LRFN5: variants seen among roughly 807,000 people sequenced by gnomAD.
LRFN5 encodes leucine rich repeat and fibronectin type III domain containing 5.
LRFN5 carries 24 observed loss-of-function variants against 45.6 expected under a neutral mutation model. The ratio of observed to expected loss-of-function variants is 0.53; its 90% CI spans 0.38 to 0.74. The LOEUF is 0.74. LRFN5 is among the 30% of genes least tolerant of loss of function. The pLI is 0.00. For synonymous variants in LRFN5, 340 were observed against 313.8 expected (o/e 1.08, Z -0.88); for missense variants, 776 against 861.5 (o/e 0.90, Z 1.24).
chr14:41,782,056 G>C (rs1296083232), intron 2 of LRFN5, among the ~76,000 whole-genome samples: 1 of 151,814 alleles, frequency 6.6e-6, no homozygotes, highest in African/African-American at 2.4e-5. Context: ...CTGTAGTTTA[G>C]TGTTTGTCTT....
chr14:41,650,774 G>A (rs545259409), intron 1 of LRFN5, among the ~76,000 whole-genome samples: 46 of 152,120 alleles, frequency 3.0e-4, no homozygotes, highest in African/African-American at 1.1e-3. Context: ...AGAATGTGGT[G>A]TAGCCATCAA....
intron 1 of LRFN5, among the ~76,000 whole-genome samples, chr14:41,741,754 A>G (rs1884703155): frequency 6.6e-6 from 1 of 151,608 alleles, no homozygotes; most frequent in Non-Finnish European, 1.5e-5. Flanking sequence ...CATAGTGGAG[A>G]GATAGCCCAC....
intron 1 of LRFN5, among the ~76,000 whole-genome samples, chr14:41,678,291 G>A (rs139093712): frequency 3.0e-4 from 45 of 151,348 alleles, no homozygotes; most frequent in African/African-American, 8.3e-4. Flanking sequence ...TATATATTCC[G>A]TATATGTATA....
chr14:41,734,029 C>CTTTTTTT (rs58623215), intron 1 of LRFN5, among the ~76,000 whole-genome samples: 4 of 123,884 alleles, frequency 3.2e-5, no homozygotes, highest in East Asian at 2.3e-4. Context: ...CTTTTCTTTT[C>CTTTTTTT]TTTTTTTTTT....
At position 41,675,611 on chromosome 14, in the gene LRFN5, AGGGAGAGGGGAGAG is replaced by A. The variant is rs367900494; in HGVS notation, c.-197+67065_-197+67078del. Among the ~76,000 whole-genome samples, 13 of 151,800 alleles carry A rather than the reference AGGGAGAGGGGAGAG, an allele frequency of 8.6e-5. No individual in the cohort carries two copies. In the South Asian group the frequency reaches 1.0e-3, roughly 12 times the overall value. On this transcript the variant is annotated intron_variant, in intron 1 of 5. Transcript: ENST00000298119. Reference sequence around the variant, plus strand: ...GACCGTGGAAAGAGGGGACAGGGAGAGGGAGAGGGGAGAGGGGAGAGGGGAGAGGCGATTTTGTT... The same window carrying A: ...GACCGTGGAAAGAGGGGACAGGGAGAGGGAGAGGGGAGAGGCGATTTTGTT...
intron 2 of LRFN5, among the ~76,000 whole-genome samples, chr14:41,768,754 A>G (rs1254062089): frequency 6.6e-6 from 1 of 152,142 alleles, no homozygotes; most frequent in Non-Finnish European, 1.5e-5. Flanking sequence ...CTTTTTCTAG[A>G]TAAAAGCATT....
intron 2 of LRFN5, among the ~76,000 whole-genome samples, chr14:41,817,646 C>T (rs537311019): frequency 5.3e-5 from 8 of 152,158 alleles, no homozygotes; most frequent in Non-Finnish European, 7.4e-5. Flanking sequence ...TGAGAGAAGA[C>T]CTTATTAGAA....
intron 1 of LRFN5, among the ~76,000 whole-genome samples, chr14:41,757,470 C>G (rs979565908): frequency 6.6e-6 from 1 of 152,208 alleles, no homozygotes; most frequent in East Asian, 1.9e-4. Flanking sequence ...GCGCCCCTCC[C>G]CCAGCCTCGC....
At chr14:41,664,263 A>G (rs888702355) in intron 1 of LRFN5, among the ~76,000 whole-genome samples, 4 of 152,078 alleles carry the variant, frequency 2.6e-5, no homozygotes, top group East Asian at 1.9e-4. Flanking sequence ...TAATAAAATC[A>G]TATTTAAAAC....
At chr14:41,666,095 T>C (rs1880885362) in intron 1 of LRFN5, among the ~76,000 whole-genome samples, 1 of 152,032 alleles carries the variant, frequency 6.6e-6, no homozygotes, top group Admixed American at 6.6e-5. Flanking sequence ...TTCATTTTAC[T>C]AACATTAAAA....
At chr14:41,837,318 G>A (rs1315116995) in intron 2 of LRFN5, among the ~76,000 whole-genome samples, 1 of 149,630 alleles carries the variant, frequency 6.7e-6, no homozygotes, top group South Asian at 2.2e-4. Context: ...ATCGGCATTT[G>A]TTTTCCCTGC....
intron 1 of LRFN5, among the ~76,000 whole-genome samples, chr14:41,753,616 T>G (rs924871567): frequency 6.6e-6 from 1 of 152,236 alleles, no homozygotes; most frequent in African/African-American, 2.4e-5. Flanking sequence ...ACATTGATTT[T>G]GTATCCTGAG....
intron 1 of LRFN5, among the ~76,000 whole-genome samples, chr14:41,622,460 A>G (rs1175864497): frequency 6.6e-6 from 1 of 152,208 alleles, no homozygotes; most frequent in East Asian, 1.9e-4. Flanking sequence ...AGAGTAAAGG[A>G]CCATATACAT....
In LRFN5 at chr14:41,737,471, T is replaced by A. The variant is rs943989579; in HGVS notation, c.-196-29383T>A. On this transcript the variant is annotated intron_variant, in intron 1 of 5. Transcript: ENST00000298119. ...CAAGGATGCCGTCTCTCTCCACTCC[T>A]ATTCAACATAGTATTGGAAGTTCGG... Among the ~76,000 whole-genome samples the A allele has an allele frequency of 2.6e-5, 4 of 152,134 alleles. No homozygotes were observed. In the East Asian group the frequency reaches 7.7e-4, roughly 29 times the overall value.
intron 1 of LRFN5, among the ~76,000 whole-genome samples, chr14:41,683,724 G>C (rs535965831): frequency 8.6e-5 from 13 of 151,982 alleles, no homozygotes; most frequent in African/African-American, 3.1e-4. Context: ...AAAATACTTA[G>C]GAGTAAACTT....
intron 1 of LRFN5, among the ~76,000 whole-genome samples, chr14:41,623,352 C>A (rs745422976): frequency 1.3e-5 from 2 of 152,008 alleles, no homozygotes; most frequent in Non-Finnish European, 2.9e-5. Context: ...GTAAGTTTCC[C>A]GAGGCTTCCC....
In LRFN5 at chr14:41,844,163, T is replaced by C. The variant is rs572902385; in HGVS notation, c.-20-42443T>C. 7.7e-4 allele frequency among the ~76,000 whole-genome samples: 117 copies of C among 152,252 alleles called. 3 individuals carry two copies. The highest frequency in any genetic ancestry group is 3.5e-3 in the South Asian group (17 of 4,824). ...TTTAAAAATGTAAAATTCGGCCGGGTGCAGTGGCTCACGCCTGTAATCCTA... is the reference window on the plus strand; with the variant it reads ...TTTAAAAATGTAAAATTCGGCCGGGCGCAGTGGCTCACGCCTGTAATCCTA... On this transcript the variant is annotated intron_variant, in intron 2 of 5. Transcript: ENST00000298119.
intron 2 of LRFN5, among the ~76,000 whole-genome samples, chr14:41,880,183 T>C (rs1008866051): frequency 6.6e-6 from 1 of 152,044 alleles, no homozygotes; most frequent in South Asian, 2.1e-4. Flanking sequence ...CGCCTTGGCC[T>C]CCCAAAGTGC....
intron 1 of LRFN5, among the ~76,000 whole-genome samples, chr14:41,625,678 G>T (rs1418499163): frequency 5.3e-5 from 8 of 151,970 alleles, no homozygotes. Context: ...GACCTTTAAT[G>T]ATCATTTCTA....
Sources: allele counts gnomAD v4.1 joint callset (sites outside exome capture counted in the v4.1 genomes callset), GRCh38; gene constraint gnomAD v4.1.1; transcripts MANE v1.5; gene names NCBI Gene and HGNC (gene_info 2026-07-23, HGNC 2026-07-21).